The following PPP3CA variants were observed in gnomAD, a reference collection of about 807,000 sequenced individuals.
PPP3CA encodes protein phosphatase 3 catalytic subunit alpha, also known as CAM-PRP catalytic subunit.
A neutral mutation model predicts 66.5 loss-of-function variants in PPP3CA; 14 were observed. That is an observed-to-expected ratio of 0.21 (90% CI 0.14 to 0.33). The LOEUF (loss-of-function observed/expected upper bound fraction) is 0.33, where lower values mean the gene tolerates loss of function less well. PPP3CA is among the 10% of genes least tolerant of loss of function. The pLI, the probability that PPP3CA is intolerant of heterozygous loss-of-function variation, is 1.00. For synonymous variants in PPP3CA, 232 were observed against 226.2 expected, an observed-to-expected ratio of 1.03 and a Z score of -0.23; for missense variants, 317 against 639.5, an observed-to-expected ratio of 0.50 and a Z score of 5.44.
intron 1 of PPP3CA, among the ~76,000 whole-genome samples, chr4:101,334,602 T>A (rs999098052): frequency 5.3e-5 from 8 of 152,192 alleles, no homozygotes; most frequent in African/African-American, 1.9e-4. Context: ...ATCAGTTACT[T>A]CTGAAATATC....
intron 2 of PPP3CA, among the ~76,000 whole-genome samples, chr4:101,127,066 A>T (rs1309543871): frequency 6.6e-6 from 1 of 152,118 alleles, no homozygotes; most frequent in African/African-American, 2.4e-5. Context: ...AGGGGACAGA[A>T]ATCTTGTTTT....
chr4:101,070,763 C>A (rs1728881115), intron 8 of PPP3CA, among the ~76,000 whole-genome samples: 1 of 152,086 alleles, frequency 6.6e-6, no homozygotes, highest in African/African-American at 2.4e-5. Flanking sequence ...TAATTCCCAC[C>A]TAATGTGTTA....
chr4:101,039,616 T>C (rs1057348908), intron 11 of PPP3CA, among the ~76,000 whole-genome samples: 3 of 144,210 alleles, frequency 2.1e-5, no homozygotes, highest in African/African-American at 7.6e-5. Context: ...GGCTACCTCT[T>C]TTGGCATTAA....
chr4:101,133,592 G>A (rs777480631), intron 2 of PPP3CA, among the ~76,000 whole-genome samples: 1 of 152,028 alleles, frequency 6.6e-6, no homozygotes, highest in Non-Finnish European at 1.5e-5. Context: ...AAAGAAATGA[G>A]AGGACACAAA....
rs1730047418 is a variant in PPP3CA at position 101,347,318 on chromosome 4, C to CGCCGCTGCTGCCGCTGCTGCT, written c.-543_-523dup. On this transcript the variant is annotated 5_prime_UTR_variant, in exon 1 of 14. Coordinates refer to ENST00000394854, the MANE Select transcript of PPP3CA (RefSeq NM_000944.5). ...GCGTCCCCGGCGGCGGAGAGGCGGCCGCCGCTGCTGCCGCTGCTGCTGCCG... is the reference window on the plus strand; with the variant it reads ...GCGTCCCCGGCGGCGGAGAGGCGGCCGCCGCTGCTGCCGCTGCTGCTGCCGCTGCTGCCGCTGCTGCTGCCG... 1 of 203,404 alleles carries CGCCGCTGCTGCCGCTGCTGCT rather than the reference C, an allele frequency of 4.9e-6. No homozygotes were observed. Among genetic ancestry groups the CGCCGCTGCTGCCGCTGCTGCT allele is most frequent in the Non-Finnish European group, 9.7e-6 (1 of 102,998 alleles). The allele number at this position is 203,404 out of a possible 1,614,324, so 12.6% of individuals were successfully genotyped here.
At chr4:101,207,553 GCA>G (rs1266319138) in intron 1 of PPP3CA, among the ~76,000 whole-genome samples, 1 of 152,174 alleles carries the variant, frequency 6.6e-6, no homozygotes, top group African/African-American at 2.4e-5. Flanking sequence ...ACTAGGCTGG[GCA>G]CAGTGTCGAA....
chr4:101,053,770 T>C (rs1728107934), intron 10 of PPP3CA, among the ~76,000 whole-genome samples: 1 of 152,104 alleles, frequency 6.6e-6, no homozygotes, highest in African/African-American at 2.4e-5. Flanking sequence ...TCAGCTTTTG[T>C]TTCCTTTGCC....
At chr4:101,249,855 T>C (rs1726617448) in intron 1 of PPP3CA, among the ~76,000 whole-genome samples, 1 of 152,124 alleles carries the variant, frequency 6.6e-6, no homozygotes. Flanking sequence ...TATTTTATAT[T>C]TTGAAGACAG....
rs539749326 is a variant in PPP3CA, at chr4:101,181,838, G to C, written c.259+14078C>G. ...CATATAGGGTGAGACAGGCTAAACA[G>C]CACAATTAGGGATGTTATAAATTAT... On this transcript the variant is annotated intron_variant, in intron 2 of 13. Transcript: ENST00000394854. 7.9e-5 allele frequency among the ~76,000 whole-genome samples: 12 copies of C among 152,206 alleles called. No individual in the cohort carries two copies. In the South Asian group the frequency reaches 2.5e-3, roughly 32 times the overall value.
At chr4:101,044,711 T>C (rs1402030772) in intron 10 of PPP3CA, among the ~76,000 whole-genome samples, 1 of 152,192 alleles carries the variant, frequency 6.6e-6, no homozygotes, top group African/African-American at 2.4e-5. Context: ...TTCCAGAATC[T>C]AAGCAACCCT....
At chr4:101,054,968 T>A (rs1728166436) in intron 10 of PPP3CA, among the ~76,000 whole-genome samples, 1 of 152,134 alleles carries the variant, frequency 6.6e-6, no homozygotes. Context: ...ATTCACTTTA[T>A]TATTTTTTCT....
At chr4:101,325,138 G>T (rs1206317517) in intron 1 of PPP3CA, among the ~76,000 whole-genome samples, 1 of 152,232 alleles carries the variant, frequency 6.6e-6, no homozygotes, top group Non-Finnish European at 1.5e-5. Flanking sequence ...TTCAGGGACA[G>T]TGCTGGGCAT....
rs115665418 is a variant in PPP3CA, at chr4:101,135,352, C to T, written c.260-26274G>A. On this transcript the variant is annotated intron_variant, in intron 2 of 13. Coordinates refer to ENST00000394854, the MANE Select transcript of PPP3CA (RefSeq NM_000944.5). ...GTACATGCAATGTGTGCCATGTCTGCCATGTCTGTGTTGAAACCCTTAGTG... is the reference window on the plus strand; with the variant it reads ...GTACATGCAATGTGTGCCATGTCTGTCATGTCTGTGTTGAAACCCTTAGTG... 8.3e-3 allele frequency among the ~76,000 whole-genome samples: 1,267 copies of T among 152,134 alleles called. 19 individuals are homozygous for T. The highest frequency in any genetic ancestry group is 0.025 in the African/African-American group (1,050 of 41,498).
At chr4:101,216,363 CT>C in intron 1 of PPP3CA, among the ~76,000 whole-genome samples, 1 of 152,074 alleles carries the variant, frequency 6.6e-6, no homozygotes, top group Non-Finnish European at 1.5e-5. Context: ...TAATTATACA[CT>C]TTTGAATCCT....
chr4:101,243,027 A>T (rs1726362573), intron 1 of PPP3CA, among the ~76,000 whole-genome samples: 1 of 152,204 alleles, frequency 6.6e-6, no homozygotes, highest in Admixed American at 6.5e-5. Flanking sequence ...GGGAACAGAA[A>T]GGTTGATGAT....
intron 3 of PPP3CA, among the ~76,000 whole-genome samples, chr4:101,106,468 A>G (rs199965977): frequency 0.042 from 1,953 of 46,020 alleles, 466 homozygotes; most frequent in African/African-American, 0.23. Flanking sequence ...AAGAAAAGAA[A>G]AGAAAAGAAA....
At chr4:101,195,376 C>G (rs1011204177) in intron 2 of PPP3CA, among the ~76,000 whole-genome samples, 1 of 152,012 alleles carries the variant, frequency 6.6e-6, no homozygotes, top group Non-Finnish European at 1.5e-5. Context: ...TAATGTGCAT[C>G]AGAATCACAC....
intron 1 of PPP3CA, among the ~76,000 whole-genome samples, chr4:101,228,756 C>T (rs780190283): frequency 6.6e-6 from 1 of 151,522 alleles, no homozygotes; most frequent in South Asian, 2.1e-4. Flanking sequence ...GAACTCTATC[C>T]CCCTCTTCTT....
chr4:101,233,300 T>C (rs547638986), intron 1 of PPP3CA, among the ~76,000 whole-genome samples: 1 of 151,928 alleles, frequency 6.6e-6, no homozygotes, highest in East Asian at 1.9e-4. Context: ...TTTCCCTGGA[T>C]GCAGGGCTTT....
Sources: allele counts gnomAD v4.1 joint callset (sites outside exome capture counted in the v4.1 genomes callset), GRCh38; gene constraint gnomAD v4.1.1; transcripts MANE v1.5; gene names NCBI Gene and HGNC (gene_info 2026-07-23, HGNC 2026-07-21).